MAF: variants seen among roughly 807,000 people sequenced by gnomAD.
MAF encodes transcription factor Maf.
A neutral mutation model predicts 22.0 loss-of-function variants in MAF; 10 were observed. The ratio of observed to expected loss-of-function variants is 0.45; its 90% CI spans 0.28 to 0.77. The LOEUF (loss-of-function observed/expected upper bound fraction) is 0.77, where lower values mean the gene tolerates loss of function less well. MAF is among the 30% of genes least tolerant of loss of function. The pLI is 0.12. For missense variants in MAF, 544 were observed against 548.4 expected, an observed-to-expected ratio of 0.99 and a Z score of 0.08; for synonymous variants, 337 against 255.8, an observed-to-expected ratio of 1.32 and a Z score of -3.03.
chr16:79,247,115 G>A, the MAF span, among the ~76,000 whole-genome samples: 5 of 152,194 alleles, frequency 3.3e-5, no homozygotes, highest in African/African-American at 7.2e-5. Context: ...GTCAGGGAAG[G>A]CCTCCCCGAG....
the MAF span, among the ~76,000 whole-genome samples, chr16:79,481,632 C>T: frequency 2.6e-5 from 4 of 151,756 alleles, no homozygotes; most frequent in Admixed American, 2.0e-4. Context: ...ATCCATCTAC[C>T]CATCCACCCA....
chr16:79,589,684 C>T (rs975430630), downstream of MAF, among the ~76,000 whole-genome samples: 1 of 152,184 alleles, frequency 6.6e-6, no homozygotes, highest in African/African-American at 2.4e-5. Context: ...GCCCGCCCAC[C>T]CAGGAGAGCG....
chr16:79,326,028 C>G, the MAF span, among the ~76,000 whole-genome samples: 1 of 152,216 alleles, frequency 6.6e-6, no homozygotes, highest in African/African-American at 2.4e-5. Context: ...GGTCTGACCA[C>G]TGACTCCATC....
the MAF span, among the ~76,000 whole-genome samples, chr16:79,521,673 T>G: frequency 3.9e-5 from 6 of 152,196 alleles, no homozygotes; most frequent in Admixed American, 3.9e-4. Context: ...ATCTTTCCAG[T>G]GCAAGAACCT....
the MAF span, among the ~76,000 whole-genome samples, chr16:79,327,906 G>A: frequency 6.2e-4 from 95 of 152,234 alleles, 1 homozygote; most frequent in South Asian, 9.1e-3. Flanking sequence ...CCATTTGATC[G>A]CCAGAAAATC....
chr16:79,267,722 G>C, the MAF span, among the ~76,000 whole-genome samples: 1 of 152,206 alleles, frequency 6.6e-6, no homozygotes, highest in African/African-American at 2.4e-5. Context: ...ATGAACACCT[G>C]CTTCAATGGT....
At chr16:79,513,526 T>C in the MAF span, among the ~76,000 whole-genome samples, 1 of 152,160 alleles carries the variant, frequency 6.6e-6, no homozygotes, top group Non-Finnish European at 1.5e-5. Context: ...GGCAAATACA[T>C]GGGAGGGAAT....
chr16:79,314,802 A>G, the MAF span, among the ~76,000 whole-genome samples: 1 of 152,148 alleles, frequency 6.6e-6, no homozygotes, highest in Non-Finnish European at 1.5e-5. Flanking sequence ...GCACCTCTCC[A>G]TCCACTTCCT....
chr16:79,312,246 CAG>C, the MAF span, among the ~76,000 whole-genome samples: 4 of 152,162 alleles, frequency 2.6e-5, no homozygotes, highest in Admixed American at 2.6e-4. Flanking sequence ...CCTGTCTGCA[CAG>C]AGTTTTGTAT....
chr16:79,241,217 C>T, the MAF span, among the ~76,000 whole-genome samples: 2,060 of 152,138 alleles, frequency 0.014, 53 homozygotes, highest in African/African-American at 0.043. Context: ...AAGTAGACTT[C>T]CCAAGGTGGG....
chr16:79,519,463 A>G, the MAF span, among the ~76,000 whole-genome samples: 2 of 152,166 alleles, frequency 1.3e-5, no homozygotes, highest in Non-Finnish European at 2.9e-5. Context: ...GTTTCCAGGG[A>G]GAGCTGCTGC....
the MAF span, among the ~76,000 whole-genome samples, chr16:79,492,907 G>C: frequency 6.6e-6 from 1 of 152,124 alleles, no homozygotes; most frequent in Admixed American, 6.5e-5. Context: ...GGGGTCTGCA[G>C]AACTGGTTAT....
chr16:79,551,443 C>A, the MAF span, among the ~76,000 whole-genome samples: 1 of 152,184 alleles, frequency 6.6e-6, no homozygotes, highest in Non-Finnish European at 1.5e-5. Flanking sequence ...CATAACCAAG[C>A]TTGAGTCCCA....
the MAF span, among the ~76,000 whole-genome samples, chr16:79,221,052 G>A: frequency 6.6e-6 from 1 of 152,220 alleles, no homozygotes; most frequent in Non-Finnish European, 1.5e-5. Context: ...TAAACTTTGG[G>A]TCAGCTCGTT....
chr16:79,439,257 C>CTTTTTTTT, the MAF span, among the ~76,000 whole-genome samples: 3 of 130,804 alleles, frequency 2.3e-5, 1 homozygote, highest in Non-Finnish European at 4.9e-5. Flanking sequence ...TAGGTACTTA[C>CTTTTTTTT]TTTTTTTTTT....
chr16:79,333,457 C>A, the MAF span, among the ~76,000 whole-genome samples: 1 of 152,154 alleles, frequency 6.6e-6, no homozygotes, highest in Non-Finnish European at 1.5e-5. Context: ...ATACGACGGA[C>A]CATGTCAGCG....
the MAF span, among the ~76,000 whole-genome samples, chr16:79,407,958 T>A: frequency 6.7e-6 from 1 of 150,244 alleles, no homozygotes; most frequent in African/African-American, 2.5e-5. Flanking sequence ...GTATCAAGGA[T>A]CCTAAGAGAG....
chr16:79,275,765 AG>A, the MAF span, among the ~76,000 whole-genome samples: 1 of 152,208 alleles, frequency 6.6e-6, no homozygotes, highest in Non-Finnish European at 1.5e-5. Flanking sequence ...GAAAGGCAAG[AG>A]GAGAACCATA....
the MAF span, among the ~76,000 whole-genome samples, chr16:79,278,483 C>G: frequency 6.6e-6 from 1 of 152,190 alleles, no homozygotes; most frequent in Non-Finnish European, 1.5e-5. Context: ...GCTTGCTTTT[C>G]CATCAACTTG....
Sources: gnomAD v4.1 joint callset for allele counts (sites outside exome capture counted in the v4.1 genomes callset) on GRCh38, gnomAD v4.1.1 for gene constraint, MANE v1.5 for transcripts, NCBI Gene and HGNC (gene_info 2026-07-23, HGNC 2026-07-21) for gene names.